The following BGN variants were observed in gnomAD, a reference collection of about 807,000 sequenced individuals.
BGN encodes the protein bone/cartilage proteoglycan-I.
A neutral mutation model predicts 20.0 loss-of-function variants in BGN; 6 were observed. The ratio of observed to expected loss-of-function variants is 0.30; its 90% confidence interval spans 0.16 to 0.59. The LOEUF (loss-of-function observed/expected upper bound fraction) is 0.59, where lower values mean the gene tolerates loss of function less well. BGN is among the 20% of genes least tolerant of loss of function. The probability of loss-of-function intolerance (pLI) is 0.88; values close to 1 mark genes in which losing one functional copy is unlikely to be tolerated. For synonymous variants in BGN, 146 were observed against 134.6 expected, an observed-to-expected ratio of 1.08 and a Z score of -0.59; for missense variants, 292 against 312.1, an observed-to-expected ratio of 0.94 and a Z score of 0.49.
At chrX:153,501,268 G>A (rs188487817) in intron 1 of BGN, among the ~76,000 whole-genome samples, 1,733 of 112,420 alleles carry the variant, frequency 0.015, 24 homozygotes, top group African/African-American at 0.053. Context: ...GTGAGGTGGT[G>A]GGGAGAAGGC....
intron 1 of BGN, among the ~76,000 whole-genome samples, chrX:153,496,081 C>T: frequency 9.0e-6 from 1 of 111,582 alleles, no homozygotes; most frequent in Non-Finnish European, 1.9e-5. Flanking sequence ...CTGAGCAGAG[C>T]AGGGGGCCCA....
At chrX:153,504,472 C>G (rs1271158048) in intron 1 of BGN, 149 bp from the exon 2 acceptor site, 1 of 487,536 alleles carries the variant, frequency 2.1e-6, no homozygotes, top group Non-Finnish European at 3.4e-6. Context: ...TCTGCCCACA[C>G]TCCGCCCTCT....
At chrX:153,505,103 G>A (rs1331843544) in intron 2 of BGN, 135 bp from the exon 3 acceptor site, 22 of 583,949 alleles carry the variant, frequency 3.8e-5, no homozygotes, top group Non-Finnish European at 6.1e-5. Flanking sequence ...CCTACCAGTG[G>A]GGCTAGTCGG....
At chrX:153,505,020 T>C (rs1013233268) in intron 2 of BGN, 151 bp downstream of exon 2, 65 of 660,867 alleles carry the variant, frequency 9.8e-5, no homozygotes, top group Middle Eastern at 1.0e-3. Flanking sequence ...CTGTGAGCTG[T>C]GCAGTTTGTG....
Position 153,507,093 on chromosome X carries a change from C to G in BGN, c.817C>G (p.Leu273Val). The change falls in exon 7 of 8, where the codon CTG becomes GTG. Residue 273 changes from leucine to valine, a missense_variant. Coordinates refer to ENST00000331595, the MANE Select transcript of BGN (RefSeq NM_001711.6). ...GATCAGGATGATCGAGAACGGGAGC[C>G]TGAGCTTCCTGCCCACCCTCCGGGA... ...NQIRMIENGS[L>V]SFLPTLRELH... The G allele has an allele frequency of 8.3e-7, 1 of 1,208,252 alleles. No homozygotes were observed. Among genetic ancestry groups the G allele is most frequent in the African/African-American group, 1.7e-5 (1 of 57,884 alleles).
In BGN at chrX:153,504,845, C is replaced by A; in HGVS notation, c.214C>A (p.Arg72=). The A allele has an allele frequency of 8.3e-7, 1 of 1,208,189 alleles. No homozygotes were observed. Among genetic ancestry groups the A allele is most frequent in the East Asian group, 3.0e-5 (1 of 33,820 alleles). ...MCPFGCHCHL[R]VVQCSDLGLK... ...TCCTTTCGGCTGCCACTGCCACCTG[C>A]GGGTGGTTCAGTGCTCCGACCTGGG... Residue 72 remains arginine, a synonymous_variant, in exon 2 of 8, where the codon CGG becomes AGG. Transcript: ENST00000331595.
intron 7 of BGN, among the ~76,000 whole-genome samples, chrX:153,507,469 C>T (rs1428582394): frequency 2.7e-5 from 3 of 112,402 alleles, no homozygotes; most frequent in Non-Finnish European, 5.6e-5. Flanking sequence ...AAACTGTGGG[C>T]GTGGGAGTGC....
chrX:153,504,537 CA>C, intron 1 of BGN, 83 bp from the exon 2 acceptor site: 2 of 832,832 alleles, frequency 2.4e-6, no homozygotes, highest in Non-Finnish European at 3.4e-6. Context: ...AACGCAGTGC[CA>C]CCACACACGC....
intron 3 of BGN, 167 bp downstream of exon 3, chrX:153,505,517 T>G: frequency 2.1e-6 from 1 of 474,927 alleles, no homozygotes; most frequent in Non-Finnish European, 3.6e-6. Flanking sequence ...GGCTCACTCA[T>G]GTGGGTTTGA....
intron 1 of BGN, 37 bp from the exon 2 acceptor site, chrX:153,504,584 G>C (rs575003307): frequency 9.3e-7 from 1 of 1,073,197 alleles, no homozygotes; most frequent in Non-Finnish European, 1.3e-6. Flanking sequence ...AGACAGGTGG[G>C]TGCTGGTGCT....
In BGN at chrX:153,508,465, G is replaced by A. The variant is rs781873511; in HGVS notation, c.*20G>A. The A allele has an allele frequency of 3.3e-5, 40 of 1,201,508 alleles. No individual in the cohort carries two copies. The highest frequency in any genetic ancestry group is 2.1e-4 in the East Asian group (7 of 33,674). On this transcript the variant is annotated 3_prime_UTR_variant, in exon 8 of 8. Coordinates refer to ENST00000331595, the MANE Select transcript of BGN (RefSeq NM_001711.6). ...AAGTAGAGGCAGCTGCAGCCACCGC[G>A]GGGCCTCAGTGGGGGTCTCTGGGGA...
intron 3 of BGN, 110 bp downstream of exon 3, chrX:153,505,460 T>C: frequency 1.5e-6 from 1 of 670,066 alleles, no homozygotes; most frequent in Non-Finnish European, 2.2e-6. Flanking sequence ...TCGTGGGGCT[T>C]CAGGGTGAAG....
chrX:153,501,765 A>C (rs782072453), intron 1 of BGN, among the ~76,000 whole-genome samples: 1 of 112,220 alleles, frequency 8.9e-6, no homozygotes, highest in Non-Finnish European at 1.9e-5. Context: ...TGAGCCATGG[A>C]AAACCAGCCA....
intron 1 of BGN, among the ~76,000 whole-genome samples, chrX:153,499,173 T>C (rs2089738803): frequency 8.9e-6 from 1 of 112,502 alleles, no homozygotes; most frequent in South Asian, 3.6e-4. Flanking sequence ...GGCAGGATGC[T>C]AAGTAAAGAA....
At position 153,498,905 on chromosome X, in the gene BGN, G is replaced by A. The variant is rs782434865; in HGVS notation, c.-12+3792G>A. 6.2e-5 allele frequency among the ~76,000 whole-genome samples: 7 copies of A among 112,187 alleles called. No homozygotes were observed. In the South Asian group the frequency reaches 2.6e-3, roughly 42 times the overall value. On this transcript the variant is annotated intron_variant, in intron 1 of 7. Transcript: ENST00000331595. ...GTCCTCAGAAGGGCCATGCTTCCAG[G>A]GGAGCCCCCTGCACAGCCCCGAGAG...
intron 1 of BGN, among the ~76,000 whole-genome samples, chrX:153,501,043 C>A (rs914109923): frequency 4.6e-4 from 50 of 108,940 alleles, no homozygotes; most frequent in African/African-American, 1.6e-3. Flanking sequence ...TGGATGTGTG[C>A]ATGTATGTGG....
intron 1 of BGN, among the ~76,000 whole-genome samples, chrX:153,496,336 G>C (rs2124210116): frequency 8.8e-6 from 1 of 113,037 alleles, no homozygotes; most frequent in African/African-American, 3.2e-5. Context: ...CCAGCGCCCA[G>C]GGGTGCGGGT....
intron 1 of BGN, among the ~76,000 whole-genome samples, chrX:153,498,589 G>A (rs1021798111): frequency 1.8e-5 from 2 of 112,636 alleles, no homozygotes; most frequent in East Asian, 5.6e-4. Context: ...CTGAGCCCCC[G>A]GCAGAGAGCG....
chrX:153,496,051 G>A (rs989402739), intron 1 of BGN, among the ~76,000 whole-genome samples: 12 of 112,299 alleles, frequency 1.1e-4, no homozygotes, highest in African/African-American at 3.9e-4. Context: ...CATGGGCGGG[G>A]CTGGGTGCCT....
Sources: allele counts gnomAD v4.1 joint callset (sites outside exome capture counted in the v4.1 genomes callset), GRCh38; gene constraint gnomAD v4.1.1; transcripts MANE v1.5; gene names NCBI Gene and HGNC (gene_info 2026-07-23, HGNC 2026-07-21).